CADM2: variants seen among roughly 807,000 people sequenced by gnomAD.
CADM2 encodes cell adhesion molecule 2.
A neutral mutation model predicts 49.8 loss-of-function variants in CADM2; 12 were observed. That is an observed-to-expected ratio of 0.24 (90% CI 0.15 to 0.39). The LOEUF (loss-of-function observed/expected upper bound fraction) is 0.39. Ranked by LOEUF, CADM2 falls within the 10% of genes least tolerant of loss-of-function variation. The pLI, the probability that CADM2 is intolerant of heterozygous loss-of-function variation, is 1.00. For synonymous variants in CADM2, 214 were observed against 175.4 expected (o/e 1.22, Z -1.74); for missense variants, 378 against 492.3 (o/e 0.77, Z 2.20).
intron 1 of CADM2, among the ~76,000 whole-genome samples, chr3:85,268,236 A>T (rs1008469053): frequency 1.3e-5 from 2 of 151,014 alleles, no homozygotes; most frequent in African/African-American, 2.4e-5. Context: ...ACGTGCAAAA[A>T]CCTTATGGCA....
At chr3:85,105,957 C>T (rs554221596) in intron 1 of CADM2, among the ~76,000 whole-genome samples, 6 of 136,036 alleles carry the variant, frequency 4.4e-5, no homozygotes, top group East Asian at 2.1e-4. Context: ...GGTGGGGGGA[C>T]GGGGGAAGGA....
chr3:85,788,282 A>G (rs185538283), intron 2 of CADM2, among the ~76,000 whole-genome samples: 1 of 152,278 alleles, frequency 6.6e-6, no homozygotes, highest in African/African-American at 2.4e-5. Flanking sequence ...TATAGTTCAT[A>G]TCAATAATAT....
intron 7 of CADM2, among the ~76,000 whole-genome samples, chr3:85,955,592 G>A (rs902428679): frequency 6.6e-6 from 1 of 151,402 alleles, no homozygotes; most frequent in Non-Finnish European, 1.5e-5. Context: ...AAGTACTGTC[G>A]CTATGGTATA....
rs949988132 is a variant in CADM2 at position 85,249,601 on chromosome 3, A to C, written c.61+289933A>C. Among the ~76,000 whole-genome samples the C allele has an allele frequency of 1.1e-4, 16 of 152,038 alleles. 1 individual carries two copies. Among genetic ancestry groups the C allele is most frequent in the African/African-American group, 3.6e-4 (15 of 41,468 alleles). ...CAATATTATTTAACATTACCAGAATATCTTTCCTTTGTTTATTGGGAAAAA... is the reference window on the plus strand; with the variant it reads ...CAATATTATTTAACATTACCAGAATCTCTTTCCTTTGTTTATTGGGAAAAA... On this transcript the variant is annotated intron_variant, in intron 1 of 9. Coordinates refer to ENST00000383699, the MANE Select transcript of CADM2 (RefSeq NM_001167675.2).
At chr3:85,218,053 T>A (rs1374219200) in intron 1 of CADM2, among the ~76,000 whole-genome samples, 2 of 152,142 alleles carry the variant, frequency 1.3e-5, no homozygotes, top group Non-Finnish European at 2.9e-5. Flanking sequence ...CAATTACTTA[T>A]GTTATGCAGT....
chr3:85,667,503 A>G (rs1414938676), intron 1 of CADM2, among the ~76,000 whole-genome samples: 1 of 152,028 alleles, frequency 6.6e-6, no homozygotes, highest in Admixed American at 6.6e-5. Context: ...TAGCCATTGC[A>G]GCTTGAAGTA....
chr3:85,957,057 T>C (rs1343435938), intron 7 of CADM2, among the ~76,000 whole-genome samples: 1 of 151,642 alleles, frequency 6.6e-6, no homozygotes, highest in African/African-American at 2.4e-5. Flanking sequence ...TTATGTGACT[T>C]TGTGGAAAGG....
At chr3:85,615,570 ATTGTCTTTCTTTCCTTTCAT>A (rs1212365794) in intron 1 of CADM2, among the ~76,000 whole-genome samples, 74 of 151,646 alleles carry the variant, frequency 4.9e-4, no homozygotes, top group African/African-American at 1.7e-3. Flanking sequence ...CTTTCCTTTT[ATTGTCTTTCTTTCCTTTCAT>A]TTGTCTTTCT....
intron 8 of CADM2, among the ~76,000 whole-genome samples, chr3:85,997,743 A>T (rs763863474): frequency 6.6e-6 from 1 of 152,094 alleles, no homozygotes; most frequent in Non-Finnish European, 1.5e-5. Context: ...TGCATTTCTA[A>T]CTTGCTGTTA....
chr3:85,636,167 G>A (rs1443977315), intron 1 of CADM2, among the ~76,000 whole-genome samples: 1 of 152,136 alleles, frequency 6.6e-6, no homozygotes, highest in South Asian at 2.1e-4. Flanking sequence ...CCGGAAGAAG[G>A]CATTGTTATC....
At chr3:85,948,143 A>G (rs1722965917) in intron 7 of CADM2, among the ~76,000 whole-genome samples, 1 of 151,578 alleles carries the variant, frequency 6.6e-6, no homozygotes, top group African/African-American at 2.4e-5. Flanking sequence ...TACTCTTTAA[A>G]GTTTGGAAAC....
At chr3:85,185,746 T>C (rs962991459) in intron 1 of CADM2, among the ~76,000 whole-genome samples, 1 of 152,186 alleles carries the variant, frequency 6.6e-6, no homozygotes, top group African/African-American at 2.4e-5. Context: ...ATTGAAGAGC[T>C]GTGAACTGCA....
chr3:85,280,782 A>T (rs1475256485), intron 1 of CADM2, among the ~76,000 whole-genome samples: 1 of 149,194 alleles, frequency 6.7e-6, no homozygotes, highest in African/African-American at 2.5e-5. Flanking sequence ...TATTGGTTGA[A>T]AACAAAAACA....
intron 1 of CADM2, among the ~76,000 whole-genome samples, chr3:85,340,351 T>C (rs1430335955): frequency 6.6e-6 from 1 of 151,532 alleles, no homozygotes; most frequent in Admixed American, 6.6e-5. Flanking sequence ...TGAAATTTCC[T>C]CATGAAGAAA....
intron 1 of CADM2, among the ~76,000 whole-genome samples, chr3:85,046,878 C>A (rs2035685457): frequency 6.6e-6 from 1 of 151,558 alleles, no homozygotes; most frequent in South Asian, 2.1e-4. Flanking sequence ...TATATATTCT[C>A]TTTCAGTGAT....
chr3:85,479,471 A>T (rs1317649375), intron 1 of CADM2, among the ~76,000 whole-genome samples: 1 of 151,844 alleles, frequency 6.6e-6, no homozygotes, highest in Non-Finnish European at 1.5e-5. Flanking sequence ...GATTGTTAAG[A>T]TTAGAGAAAT....
At chr3:85,214,353 GC>G (rs761117033) in intron 1 of CADM2, among the ~76,000 whole-genome samples, 19 of 152,054 alleles carry the variant, frequency 1.2e-4, no homozygotes, top group Middle Eastern at 3.2e-3. Context: ...CACCTCTGTG[GC>G]CACCACCGTT....
intron 1 of CADM2, among the ~76,000 whole-genome samples, chr3:85,206,376 C>T (rs1358240304): frequency 2.7e-5 from 4 of 148,134 alleles, no homozygotes; most frequent in Non-Finnish European, 5.9e-5. Context: ...GGCGCAATCT[C>T]GACTCACTGC....
At chr3:85,140,520 C>T (rs541342041) in intron 1 of CADM2, among the ~76,000 whole-genome samples, 79 of 152,306 alleles carry the variant, frequency 5.2e-4, no homozygotes, top group Middle Eastern at 3.4e-3. Context: ...ACCTTTTTAA[C>T]TCTGTCCTTG....
Sources: gnomAD v4.1 joint callset for allele counts (sites outside exome capture counted in the v4.1 genomes callset) on GRCh38, gnomAD v4.1.1 for gene constraint, MANE v1.5 for transcripts, NCBI Gene and HGNC (gene_info 2026-07-23, HGNC 2026-07-21) for gene names.